Variants in EVI5 observed in about 807,000 individuals in gnomAD.
EVI5 encodes the protein ecotropic viral integration site 5 protein homolog.
In EVI5, 73 loss-of-function variants were observed where a neutral mutation model predicts 112.0. The observed-to-expected ratio is 0.65, with a 90% CI of 0.54 to 0.79. EVI5 has a LOEUF of 0.79. Among genes scored for constraint, EVI5 ranks in the 30% least tolerant of loss-of-function variants. The pLI is 0.00. For synonymous variants in EVI5, 305 were observed against 319.9 expected (o/e 0.95, Z 0.50); for missense variants, 900 against 968.8 (o/e 0.93, Z 0.94).
At chr1:92,700,949 T>G (rs967662789) in intron 5 of EVI5, 1 of 152,224 alleles carries the variant, frequency 6.6e-6, no homozygotes, top group South Asian at 2.1e-4. Context: ...AATCATAATT[T>G]TGTTAAACAA....
At chr1:92,655,697 A>T in intron 13 of EVI5, among the ~76,000 whole-genome samples, 1 of 152,250 alleles carries the variant, frequency 6.6e-6, no homozygotes, top group East Asian at 1.9e-4. Flanking sequence ...GATAAAACAG[A>T]CTTTAAATCA....
At chr1:92,556,057 C>T (rs1378956402) in intron 19 of EVI5, among the ~76,000 whole-genome samples, 2 of 149,958 alleles carry the variant, frequency 1.3e-5, no homozygotes, top group Non-Finnish European at 3.0e-5. Context: ...CCACTTTTTT[C>T]TTTCTTTCTT....
chr1:92,598,379 C>G (rs1177963815), intron 18 of EVI5, among the ~76,000 whole-genome samples: 1 of 151,536 alleles, frequency 6.6e-6, no homozygotes, highest in Non-Finnish European at 1.5e-5. Flanking sequence ...TCACATGTAC[C>G]CCCACATCTA....
intron 18 of EVI5, among the ~76,000 whole-genome samples, chr1:92,573,450 T>A (rs1049633792): frequency 2.0e-5 from 3 of 152,112 alleles, no homozygotes; most frequent in Non-Finnish European, 4.4e-5. Context: ...TTTATAAGTT[T>A]AATCTCATTA....
intron 5 of EVI5, 137 bp from the exon 6 acceptor site, chr1:92,698,122 G>C (rs1670598673): frequency 9.6e-6 from 7 of 730,600 alleles, no homozygotes; most frequent in Non-Finnish European, 1.6e-5. Context: ...AGAGCAATGA[G>C]GTAAGAATCA....
rs145576125 is a variant in EVI5, at chr1:92,664,051, T to C, written c.1213-599A>G. Among the ~76,000 whole-genome samples, 585 of 152,322 alleles carry C rather than the reference T, an allele frequency of 3.8e-3. 3 individuals are homozygous for C. The highest frequency in any genetic ancestry group is 0.014 in the Middle Eastern group (4 of 294). On this transcript the variant is annotated intron_variant, in intron 11 of 19. Coordinates refer to ENST00000684568, the MANE Select transcript of EVI5 (RefSeq NM_001350197.2). ...GCGTGAGCCACTGCACTCAGTCAAA[T>C]ATTTCCTCTTCCTCTTTTGGTATAT... is the stretch of plus-strand genomic sequence containing the variant.
chr1:92,749,082 A>G (rs1004873110), intron 1 of EVI5: 29 of 170,666 alleles, frequency 1.7e-4, no homozygotes, highest in East Asian at 5.2e-4. Context: ...AAAAAAAAAA[A>G]AAAGAAAAAG....
chr1:92,544,866 C>T (rs1029589348), intron 19 of EVI5, among the ~76,000 whole-genome samples: 3 of 152,172 alleles, frequency 2.0e-5, no homozygotes, highest in Admixed American at 6.5e-5. Context: ...CTCATGAATG[C>T]TATCTTATCA....
At chr1:92,689,266 A>G (rs181090980) in intron 9 of EVI5, among the ~76,000 whole-genome samples, 1 of 152,180 alleles carries the variant, frequency 6.6e-6, no homozygotes, top group Non-Finnish European at 1.5e-5. Flanking sequence ...CATTCTGAAT[A>G]TAAACCTGTA....
At chr1:92,660,021 T>C (rs1434042875) in intron 13 of EVI5, among the ~76,000 whole-genome samples, 3 of 151,904 alleles carry the variant, frequency 2.0e-5, no homozygotes, top group Non-Finnish European at 4.4e-5. Context: ...AAATGAGAAA[T>C]AATGTATACA....
intron 13 of EVI5, among the ~76,000 whole-genome samples, chr1:92,661,453 T>C (rs577588120): frequency 1.3e-5 from 2 of 152,170 alleles, no homozygotes; most frequent in Non-Finnish European, 2.9e-5. Context: ...ATGATTCTAA[T>C]GTATTATGAC....
intron 1 of EVI5, among the ~76,000 whole-genome samples, chr1:92,765,832 T>C (rs1682545673): frequency 6.6e-6 from 1 of 151,948 alleles, no homozygotes; most frequent in African/African-American, 2.4e-5. Flanking sequence ...TCCTAACACT[T>C]TGGGAAGCCA....
chr1:92,788,510 A>G (rs1036871932), upstream of EVI5, among the ~76,000 whole-genome samples: 1 of 151,074 alleles, frequency 6.6e-6, no homozygotes. Context: ...ACAAAAAAAA[A>G]ACTAGGCAGG....
intron 2 of EVI5, chr1:92,732,321 A>G: frequency 2.5e-6 from 1 of 401,336 alleles, no homozygotes; most frequent in Non-Finnish European, 4.9e-6. Flanking sequence ...CCAAAGCCTT[A>G]CATGACTGCC....
chr1:92,595,323 A>AC (rs112624771), intron 18 of EVI5, among the ~76,000 whole-genome samples: 5 of 150,510 alleles, frequency 3.3e-5, no homozygotes, highest in Non-Finnish European at 7.4e-5. Context: ...GGACAAAAAA[A>AC]CAAACACCGC....
intron 14 of EVI5, among the ~76,000 whole-genome samples, chr1:92,633,933 C>T (rs1192011157): frequency 6.6e-6 from 1 of 152,168 alleles, no homozygotes; most frequent in African/African-American, 2.4e-5. Flanking sequence ...TTCTCCTTCA[C>T]TTATGAAGCT....
At chr1:92,655,641 C>T (rs1339448634) in intron 13 of EVI5, among the ~76,000 whole-genome samples, 1 of 152,070 alleles carries the variant, frequency 6.6e-6, no homozygotes, top group Non-Finnish European at 1.5e-5. Flanking sequence ...TGATATCCCA[C>T]ACCAACAGAA....
At position 92,606,920 on chromosome 1, in the gene EVI5, ACACCCC is replaced by A. The variant is rs763498950; in HGVS notation, c.1974+655_1974+660del. On this transcript the variant is annotated intron_variant, in intron 17 of 19. Coordinates refer to ENST00000684568, the MANE Select transcript of EVI5 (RefSeq NM_001350197.2). ...CACACACACACACACACACACACAC[ACACCCC>A]CCCAAACCCTCCCTCCTCTCCTTCC... Among the ~76,000 whole-genome samples, 942 of 101,976 alleles carry A rather than the reference ACACCCC, an allele frequency of 9.2e-3. 10 individuals are homozygous for A. In the East Asian group the frequency reaches 0.1, roughly 11 times the overall value. The allele number at this position is 101,976 out of a possible 152,430, so 66.9% of individuals were successfully genotyped here. A position where few individuals can be genotyped will look rare whatever the true frequency, so the allele number is the denominator to read the frequency against.
At chr1:92,520,944 G>A (rs967893219) in intron 19 of EVI5, among the ~76,000 whole-genome samples, 2 of 150,350 alleles carry the variant, frequency 1.3e-5, no homozygotes, top group African/African-American at 2.4e-5. Context: ...CAAAAAGCAC[G>A]TATGAGATTG....
Sources: allele counts gnomAD v4.1 joint callset (sites outside exome capture counted in the v4.1 genomes callset), GRCh38; gene constraint gnomAD v4.1.1; transcripts MANE v1.5; gene names NCBI Gene and HGNC (gene_info 2026-07-23, HGNC 2026-07-21).